Variants in INVS observed in about 807,000 individuals in gnomAD.
INVS encodes the protein inversin, also known as inversion of embryo turning homolog.
Under a neutral mutation model 108.8 loss-of-function variants are expected in INVS, and 86 were observed. The ratio of observed to expected loss-of-function variants is 0.79; its 90% CI spans 0.66 to 0.95. The LOEUF is 0.95. Among genes scored for constraint, INVS ranks in the 40% least tolerant of loss-of-function variants. The pLI is 0.00. For missense variants in INVS, 1,169 were observed against 1,297.4 expected (o/e 0.90, Z 1.52); for synonymous variants, 455 against 473.5 (o/e 0.96, Z 0.51).
chr9:100,247,851 C>G (rs1318781881), intron 8 of INVS, among the ~76,000 whole-genome samples: 1 of 152,066 alleles, frequency 6.6e-6, no homozygotes, highest in Non-Finnish European at 1.5e-5. Context: ...CTCTGTCACC[C>G]AGGCTGGAGT....
intron 3 of INVS, among the ~76,000 whole-genome samples, chr9:100,133,291 G>A (rs1828109428): frequency 6.6e-6 from 1 of 151,824 alleles, no homozygotes; most frequent in Non-Finnish European, 1.5e-5. Context: ...AGTCTGTCTT[G>A]ATTTTGTTGG....
chr9:100,169,806 T>A (rs1361363877), intron 3 of INVS, among the ~76,000 whole-genome samples: 1 of 152,104 alleles, frequency 6.6e-6, no homozygotes, highest in Non-Finnish European at 1.5e-5. Context: ...AAACCCATGG[T>A]CCCTTTTCTA....
chr9:100,274,925 A>T (rs1833071308), intron 12 of INVS, among the ~76,000 whole-genome samples: 1 of 152,218 alleles, frequency 6.6e-6, no homozygotes, highest in South Asian at 2.1e-4. Context: ...GTACTAAATA[A>T]TCATTAAAAG....
intron 3 of INVS, among the ~76,000 whole-genome samples, chr9:100,135,787 C>G (rs537332317): frequency 6.6e-6 from 1 of 152,120 alleles, no homozygotes; most frequent in Admixed American, 6.6e-5. Context: ...AAGGTCTTGG[C>G]TGGAGTTATT....
intron 3 of INVS, among the ~76,000 whole-genome samples, chr9:100,187,131 A>G (rs531160340): frequency 8.6e-5 from 13 of 152,030 alleles, no homozygotes; most frequent in Admixed American, 2.6e-4. Context: ...TCCCCAATTT[A>G]TGTTTTTGTA....
chr9:100,242,471 A>C, intron 6 of INVS, 99 bp from the exon 7 acceptor site: 2 of 746,728 alleles, frequency 2.7e-6, no homozygotes, highest in Non-Finnish European at 4.8e-6. Context: ...TGAATGCTGT[A>C]TTATGTTAGT....
At chr9:100,121,832 A>G (rs1827733317) in intron 2 of INVS, among the ~76,000 whole-genome samples, 1 of 152,056 alleles carries the variant, frequency 6.6e-6, no homozygotes, top group Admixed American at 6.6e-5. Flanking sequence ...AATTAAAAGC[A>G]TTCATTACTA....
At chr9:100,280,646 T>C (rs570832465) in intron 12 of INVS, among the ~76,000 whole-genome samples, 8 of 152,354 alleles carry the variant, frequency 5.3e-5, no homozygotes, top group African/African-American at 1.4e-4. Flanking sequence ...TGATTTTTTT[T>C]CTAAACTTTA....
intron 2 of INVS, among the ~76,000 whole-genome samples, chr9:100,110,830 T>C (rs1315004513): frequency 6.6e-6 from 1 of 152,224 alleles, no homozygotes; most frequent in Non-Finnish European, 1.5e-5. Context: ...GAAAATGATA[T>C]TTTAACATAC....
In INVS at chr9:100,226,185, C is replaced by T. The variant is rs548854031; in HGVS notation, c.397C>T (p.Leu133=). The change falls in exon 4 of 17, where the codon CTG becomes TTG. Residue 133 remains leucine, a synonymous_variant. Coordinates refer to ENST00000262457, the MANE Select transcript of INVS (RefSeq NM_014425.5). Reference sequence around the variant, plus strand: ...CAGGAGCCCTAAGTGTTTGGCACTTCTGCTGAAGTTTATGGCACCAGGAGA... The same window carrying T: ...CAGGAGCCCTAAGTGTTTGGCACTTTTGCTGAAGTTTATGGCACCAGGAGA... ...RHRSPKCLAL[L]LKFMAPGEVD... is the part of the protein sequence containing the mutation. The T allele has an allele frequency of 1.2e-5, 19 of 1,614,016 alleles. No individual in the cohort carries two copies. In the South Asian group the frequency reaches 2.1e-4, roughly 18 times the overall value.
rs1175505663 is a variant in INVS at position 100,302,033 on chromosome 9, C to T, written c.*1359C>T. Reference sequence around the variant, plus strand: ...AAGCCAGCCTACACATCAATAGGAACGCCCAAACATTATTTTCATATATCA... The same window carrying T: ...AAGCCAGCCTACACATCAATAGGAATGCCCAAACATTATTTTCATATATCA... On this transcript the variant is annotated 3_prime_UTR_variant, in exon 17 of 17. Coordinates refer to ENST00000262457, the MANE Select transcript of INVS (RefSeq NM_014425.5). 12 of 500,326 alleles carry T rather than the reference C, an allele frequency of 2.4e-5. No homozygotes were observed. The highest frequency in any genetic ancestry group is 1.2e-4 in the East Asian group (4 of 33,588). The allele number at this position is 500,326 out of a possible 1,614,324, so 31.0% of individuals were successfully genotyped here. A position where few individuals can be genotyped will look rare whatever the true frequency, so the allele number is the denominator to read the frequency against.
At chr9:100,110,911 GTTA>G (rs1436558309) in intron 2 of INVS, among the ~76,000 whole-genome samples, 1 of 152,176 alleles carries the variant, frequency 6.6e-6, no homozygotes, top group Non-Finnish European at 1.5e-5. Flanking sequence ...TATGTCTCAT[GTTA>G]TTATTATTCT....
intron 11 of INVS, among the ~76,000 whole-genome samples, chr9:100,266,540 G>T (rs1564183579): frequency 6.6e-6 from 1 of 152,114 alleles, no homozygotes; most frequent in Non-Finnish European, 1.5e-5. Context: ...ACAACCAGAG[G>T]TCACTCTCGT....
chr9:100,175,428 A>G (rs1360780623), intron 3 of INVS: 1 of 914,462 alleles, frequency 1.1e-6, no homozygotes, highest in Non-Finnish European at 1.8e-6. Context: ...CAAGAAACAG[A>G]TGACCAGAAC....
intron 3 of INVS, among the ~76,000 whole-genome samples, chr9:100,223,474 A>G (rs981705316): frequency 6.6e-6 from 1 of 152,048 alleles, no homozygotes; most frequent in African/African-American, 2.4e-5. Context: ...CATTTCTTCA[A>G]GTAATATTTA....
chr9:100,122,467 A>G (rs1047346126), intron 2 of INVS, among the ~76,000 whole-genome samples: 2 of 149,960 alleles, frequency 1.3e-5, no homozygotes, highest in Non-Finnish European at 2.9e-5. Context: ...AGTTTACCTT[A>G]TTAGATATTA....
At chr9:100,153,263 TAAA>T (rs11288499) in intron 3 of INVS, among the ~76,000 whole-genome samples, 2 of 142,720 alleles carry the variant, frequency 1.4e-5, no homozygotes, top group Admixed American at 6.9e-5. Context: ...CAAGCAAAGT[TAAA>T]AAAAAAAAAA....
At chr9:100,100,722 G>GTA (rs1826848362) in intron 1 of INVS, among the ~76,000 whole-genome samples, 1 of 15,942 alleles carries the variant, frequency 6.3e-5, no homozygotes, top group East Asian at 1.7e-3. Context: ...TATATTATAT[G>GTA]TACATATAAT....
intron 3 of INVS, among the ~76,000 whole-genome samples, chr9:100,172,164 C>T (rs1224391024): frequency 6.6e-6 from 1 of 151,886 alleles, no homozygotes; most frequent in East Asian, 1.9e-4. Flanking sequence ...TCAACCAAAA[C>T]ACTTAGGTAA....
Sources: allele counts gnomAD v4.1 joint callset (sites outside exome capture counted in the v4.1 genomes callset), GRCh38; gene constraint gnomAD v4.1.1; transcripts MANE v1.5; gene names NCBI Gene and HGNC (gene_info 2026-07-23, HGNC 2026-07-21).